Variants in SPPL3 observed in about 807,000 individuals in gnomAD.
The protein encoded by SPPL3 is signal peptide peptidase like 3, also known as signal peptide peptidase-like 3.
A neutral mutation model predicts 42.4 loss-of-function variants in SPPL3; 5 were observed. The observed-to-expected ratio is 0.12, with a 90% CI of 0.06 to 0.25. SPPL3 has a LOEUF of 0.25. Ranked by LOEUF, SPPL3 falls within the 10% of genes least tolerant of loss-of-function variation. The pLI is 1.00. For synonymous variants in SPPL3, 195 were observed against 181.8 expected, an observed-to-expected ratio of 1.07 and a Z score of -0.58; for missense variants, 235 against 489.0, an observed-to-expected ratio of 0.48 and a Z score of 4.90.
chr12:120,837,720 G>C (rs1419173262), intron 1 of SPPL3, among the ~76,000 whole-genome samples: 1 of 152,158 alleles, frequency 6.6e-6, no homozygotes, highest in African/African-American at 2.4e-5. Context: ...CAATATGGCA[G>C]AGACTGCAAA....
chr12:120,889,236 G>A (rs1873557296), intron 1 of SPPL3, among the ~76,000 whole-genome samples: 1 of 152,196 alleles, frequency 6.6e-6, no homozygotes, highest in African/African-American at 2.4e-5. Flanking sequence ...AGAAGAGCAT[G>A]AAAAAGCGAT....
At chr12:120,834,904 T>C (rs1215416999) in intron 1 of SPPL3, among the ~76,000 whole-genome samples, 1 of 152,188 alleles carries the variant, frequency 6.6e-6, no homozygotes, top group Non-Finnish European at 1.5e-5. Flanking sequence ...CTCCAACTAA[T>C]AACTGAAACA....
chr12:120,883,335 CT>C (rs1873351767), intron 1 of SPPL3, among the ~76,000 whole-genome samples: 8 of 152,036 alleles, frequency 5.3e-5, no homozygotes, highest in African/African-American at 1.7e-4. Flanking sequence ...AAAAAACAAA[CT>C]TAATTCTAGA....
chr12:120,773,423 G>A (rs959940766), intron 6 of SPPL3, among the ~76,000 whole-genome samples: 12 of 152,152 alleles, frequency 7.9e-5, no homozygotes, highest in African/African-American at 2.9e-4. Flanking sequence ...AGGCATCAAG[G>A]GCACGAAGAA....
At chr12:120,856,020 G>A (rs1007632591) in intron 1 of SPPL3, among the ~76,000 whole-genome samples, 2 of 152,176 alleles carry the variant, frequency 1.3e-5, no homozygotes, top group African/African-American at 4.8e-5. Flanking sequence ...AAACATTCTA[G>A]TAATATTACA....
chr12:120,812,392 A>G (rs907498529), intron 1 of SPPL3, among the ~76,000 whole-genome samples: 19 of 152,176 alleles, frequency 1.2e-4, no homozygotes, highest in African/African-American at 3.1e-4. Context: ...TTGGCCTCCC[A>G]AAGTGTTGGG....
intron 3 of SPPL3, 63 bp from the exon 4 acceptor site, chr12:120,784,656 TCA>T: frequency 7.3e-7 from 1 of 1,365,518 alleles, no homozygotes; most frequent in Non-Finnish European, 1.0e-6. Flanking sequence ...CCTATGCACT[TCA>T]TATACATTAA....
intron 1 of SPPL3, among the ~76,000 whole-genome samples, chr12:120,890,891 C>G (rs561305666): frequency 6.6e-6 from 1 of 152,302 alleles, no homozygotes; most frequent in South Asian, 2.1e-4. Flanking sequence ...ACCCGATGCT[C>G]TCAACAGCTA....
intron 1 of SPPL3, among the ~76,000 whole-genome samples, chr12:120,903,143 C>A (rs923956820): frequency 1.3e-5 from 2 of 152,174 alleles, no homozygotes; most frequent in African/African-American, 2.4e-5. Flanking sequence ...AGTACCAACC[C>A]TTACAAAGAC....
intron 1 of SPPL3, among the ~76,000 whole-genome samples, chr12:120,812,678 C>G (rs983333249): frequency 6.6e-6 from 1 of 152,030 alleles, no homozygotes; most frequent in Admixed American, 6.6e-5. Flanking sequence ...GAAAGAGAGA[C>G]AGAGAAGGAA....
intron 1 of SPPL3, among the ~76,000 whole-genome samples, chr12:120,830,637 G>A (rs1173743475): frequency 2.1e-5 from 3 of 143,708 alleles, no homozygotes; most frequent in Non-Finnish European, 4.6e-5. Flanking sequence ...GGGAGAGCAA[G>A]GGTGGTGAGG....
At chr12:120,771,899 A>G (rs575517337) in intron 6 of SPPL3, among the ~76,000 whole-genome samples, 3 of 152,072 alleles carry the variant, frequency 2.0e-5, no homozygotes, top group Non-Finnish European at 2.9e-5. Flanking sequence ...TGTTCTTTTC[A>G]CGCTCTACCC....
intron 2 of SPPL3, among the ~76,000 whole-genome samples, chr12:120,800,631 T>G (rs1450837162): frequency 6.6e-6 from 1 of 152,210 alleles, no homozygotes; most frequent in African/African-American, 2.4e-5. Flanking sequence ...TCCATCTAAA[T>G]TATAGCATAT....
intron 2 of SPPL3, among the ~76,000 whole-genome samples, chr12:120,797,573 A>C (rs1870146737): frequency 6.6e-6 from 1 of 152,134 alleles, no homozygotes; most frequent in Non-Finnish European, 1.5e-5. Context: ...CTTGGCTGGA[A>C]GTACAAGTGG....
At chr12:120,836,192 C>G (rs935825502) in intron 1 of SPPL3, among the ~76,000 whole-genome samples, 8 of 151,876 alleles carry the variant, frequency 5.3e-5, no homozygotes, top group African/African-American at 1.7e-4. Context: ...GAGTCTATTT[C>G]CCCTCCCCTT....
intron 6 of SPPL3, among the ~76,000 whole-genome samples, chr12:120,779,909 A>G (rs1324598318): frequency 6.6e-6 from 1 of 150,582 alleles, no homozygotes; most frequent in African/African-American, 2.4e-5. Flanking sequence ...GAGGCAGGAG[A>G]ATCACTTGAA....
In SPPL3 at chr12:120,764,762, G is replaced by C. The variant is rs1045713598; in HGVS notation, c.*237C>G. ...GTGGGAGGAAGGCGCGCTGGGGAGA[G>C]GCCTGTCCCTCTTGGAAGGGGCCCC... On this transcript the variant is annotated 3_prime_UTR_variant, in exon 11 of 11. Transcript: ENST00000353487. The C allele has an allele frequency of 6.2e-6, 3 of 484,610 alleles. No individual in the cohort carries two copies. The highest frequency in any genetic ancestry group is 5.2e-4 in the Middle Eastern group (1 of 1,906). The allele number at this position is 484,610 out of a possible 1,614,324, so 30.0% of individuals were successfully genotyped here. A position where few individuals can be genotyped will look rare whatever the true frequency, so the allele number is the denominator to read the frequency against.
At chr12:120,849,567 T>C (rs1334002622) in intron 1 of SPPL3, among the ~76,000 whole-genome samples, 2 of 152,116 alleles carry the variant, frequency 1.3e-5, no homozygotes, top group Non-Finnish European at 2.9e-5. Context: ...TCCAAACAGC[T>C]CTAAAAAACA....
chr12:120,770,785 A>G (rs758020914), intron 6 of SPPL3, among the ~76,000 whole-genome samples: 4 of 152,084 alleles, frequency 2.6e-5, no homozygotes, highest in Non-Finnish European at 5.9e-5. Flanking sequence ...TCTATCTTAT[A>G]TGTCATCAAC....
Sources: allele counts gnomAD v4.1 joint callset (sites outside exome capture counted in the v4.1 genomes callset), GRCh38; gene constraint gnomAD v4.1.1; transcripts MANE v1.5; gene names NCBI Gene and HGNC (gene_info 2026-07-23, HGNC 2026-07-21).